Variants in ZNF804B observed in about 807,000 individuals in gnomAD.
ZNF804B encodes the protein zinc finger protein 804B.
In ZNF804B, 80 loss-of-function variants were observed where a neutral mutation model predicts 101.4. The observed-to-expected ratio is 0.79, with a 90% CI of 0.66 to 0.95. The LOEUF (loss-of-function observed/expected upper bound fraction) is 0.95. Ranked by LOEUF, ZNF804B falls within the 40% of genes least tolerant of loss-of-function variation. The pLI is 0.00. For synonymous variants in ZNF804B, 622 were observed against 558.8 expected (o/e 1.11, Z -1.59); for missense variants, 1,673 against 1,561.9 (o/e 1.07, Z -1.20).
chr7:89,308,346 A>G (rs1211667724), intron 2 of ZNF804B, among the ~76,000 whole-genome samples: 1 of 152,128 alleles, frequency 6.6e-6, no homozygotes, highest in African/African-American at 2.4e-5. Context: ...TAGTTCTGTG[A>G]GATCCTATTC....
At chr7:89,070,009 T>C (rs1198193013) in intron 1 of ZNF804B, among the ~76,000 whole-genome samples, 2 of 152,140 alleles carry the variant, frequency 1.3e-5, no homozygotes, top group Non-Finnish European at 2.9e-5. Flanking sequence ...AGCAAAATTA[T>C]TGTGTCTAAA....
At chr7:88,997,650 A>G (rs1788219677) in intron 1 of ZNF804B, among the ~76,000 whole-genome samples, 1 of 152,066 alleles carries the variant, frequency 6.6e-6, no homozygotes, top group Non-Finnish European at 1.5e-5. Flanking sequence ...CCACCTGGAA[A>G]CCTGAAGGAA....
At chr7:89,255,273 C>T (rs549987324) in intron 2 of ZNF804B, among the ~76,000 whole-genome samples, 24 of 152,270 alleles carry the variant, frequency 1.6e-4, no homozygotes, top group Admixed American at 7.8e-4. Flanking sequence ...AAACTGCCCC[C>T]GTGATCCAGT....
chr7:88,773,171 A>G (rs2519954), intron 1 of ZNF804B, among the ~76,000 whole-genome samples: 66,266 of 152,066 alleles, frequency 0.44, 17,518 homozygotes, highest in African/African-American at 0.74. Flanking sequence ...AAAATGTTAA[A>G]GTGACTTTGG....
intron 2 of ZNF804B, among the ~76,000 whole-genome samples, chr7:89,293,193 C>A (rs1285349736): frequency 6.6e-6 from 1 of 151,894 alleles, no homozygotes; most frequent in East Asian, 1.9e-4. Context: ...ATTTAGCCAA[C>A]ATGTTTAATT....
intron 1 of ZNF804B, among the ~76,000 whole-genome samples, chr7:89,113,119 G>A (rs1044353719): frequency 6.6e-6 from 1 of 152,180 alleles, no homozygotes; most frequent in Non-Finnish European, 1.5e-5. Context: ...TGCCCTGGAA[G>A]GAACTATAGT....
chr7:89,161,029 A>G (rs1454290628), intron 1 of ZNF804B, among the ~76,000 whole-genome samples: 1 of 152,092 alleles, frequency 6.6e-6, no homozygotes, highest in Non-Finnish European at 1.5e-5. Context: ...CCAGGACACC[A>G]TATCCTTGTG....
intron 1 of ZNF804B, among the ~76,000 whole-genome samples, chr7:89,175,652 C>T (rs1007142215): frequency 3.3e-5 from 5 of 151,766 alleles, no homozygotes; most frequent in African/African-American, 9.7e-5. Flanking sequence ...GTGTAGATTG[C>T]TTTTGGTAGT....
intron 1 of ZNF804B, among the ~76,000 whole-genome samples, chr7:89,149,006 A>G (rs1243311359): frequency 3.3e-5 from 5 of 152,100 alleles, no homozygotes; most frequent in Non-Finnish European, 5.9e-5. Context: ...GCTGCCCTGC[A>G]GACTTAGGCT....
chr7:89,258,323 T>C (rs1287099641), intron 2 of ZNF804B, among the ~76,000 whole-genome samples: 1 of 152,070 alleles, frequency 6.6e-6, no homozygotes, highest in African/African-American at 2.4e-5. Flanking sequence ...GGAGCAACTG[T>C]GTATATTTTT....
chr7:89,051,340 A>G (rs1789201135), intron 1 of ZNF804B, among the ~76,000 whole-genome samples: 1 of 152,162 alleles, frequency 6.6e-6, no homozygotes, highest in Non-Finnish European at 1.5e-5. Context: ...ATTTACTTTC[A>G]ATGGCCAAAA....
At chr7:89,195,016 G>A (rs1224635957) in intron 1 of ZNF804B, among the ~76,000 whole-genome samples, 1 of 151,656 alleles carries the variant, frequency 6.6e-6, no homozygotes, top group East Asian at 1.9e-4. Flanking sequence ...TCATCCCTGG[G>A]ATGCAAGGCT....
intron 1 of ZNF804B, among the ~76,000 whole-genome samples, chr7:89,074,003 G>A (rs1789580103): frequency 6.6e-6 from 1 of 152,104 alleles, no homozygotes; most frequent in African/African-American, 2.4e-5. Flanking sequence ...CCTACCACAA[G>A]GGAAGTACCA....
chr7:89,291,907 A>G (rs1423176676), intron 2 of ZNF804B, among the ~76,000 whole-genome samples: 2 of 152,160 alleles, frequency 1.3e-5, no homozygotes, highest in Admixed American at 6.5e-5. Context: ...CAAGTAACAT[A>G]CAATGGAGTT....
At chr7:89,273,751 G>A (rs534483834) in intron 2 of ZNF804B, among the ~76,000 whole-genome samples, 1 of 152,166 alleles carries the variant, frequency 6.6e-6, no homozygotes, top group South Asian at 2.1e-4. Flanking sequence ...TCTCCTGAGT[G>A]GTAGATTTAA....
chr7:89,139,082 A>G (rs1245104568), intron 1 of ZNF804B, among the ~76,000 whole-genome samples: 2 of 152,122 alleles, frequency 1.3e-5, no homozygotes, highest in African/African-American at 4.8e-5. Context: ...GACCACTACA[A>G]TAAAGCAAAT....
chr7:89,294,850 T>A (rs1790355223), intron 2 of ZNF804B, among the ~76,000 whole-genome samples: 1 of 152,104 alleles, frequency 6.6e-6, no homozygotes, highest in Non-Finnish European at 1.5e-5. Context: ...TCTATCTACA[T>A]TTTTTCCTTT....
intron 1 of ZNF804B, among the ~76,000 whole-genome samples, chr7:89,163,732 C>G (rs1301018749): frequency 6.6e-6 from 1 of 152,000 alleles, no homozygotes; most frequent in Non-Finnish European, 1.5e-5. Flanking sequence ...GATAGTAGAG[C>G]AGTGTGTTGA....
rs981200490 is a variant in ZNF804B at position 88,947,370 on chromosome 7, A to G, written c.108+187286A>G. Among the ~76,000 whole-genome samples, 3 of 152,118 alleles carry G rather than the reference A, an allele frequency of 2.0e-5. No homozygotes were observed. The East Asian group carries it at 5.9e-4, about 30-fold the overall frequency. On this transcript the variant is annotated intron_variant, in intron 1 of 3. Transcript: ENST00000333190. Reference sequence around the variant, plus strand: ...ATGAATTCATGTCTTTTGCAGGGACATGGATGAAGCTGGAAACCATGGTTC... The same window carrying G: ...ATGAATTCATGTCTTTTGCAGGGACGTGGATGAAGCTGGAAACCATGGTTC...
Sources: allele counts gnomAD v4.1 joint callset (sites outside exome capture counted in the v4.1 genomes callset), GRCh38; gene constraint gnomAD v4.1.1; transcripts MANE v1.5; gene names NCBI Gene and HGNC (gene_info 2026-07-23, HGNC 2026-07-21).